The following SLC44A5 variants were observed in gnomAD, a reference collection of about 807,000 sequenced individuals.
SLC44A5 encodes solute carrier family 44 member 5.
A neutral mutation model predicts 101.8 loss-of-function variants in SLC44A5; 57 were observed. The observed-to-expected ratio is 0.56, with a 90% CI of 0.45 to 0.70. The LOEUF (loss-of-function observed/expected upper bound fraction) is 0.70. Among genes scored for constraint, SLC44A5 ranks in the 30% least tolerant of loss-of-function variants. The pLI is 0.00. For synonymous variants in SLC44A5, 281 were observed against 290.9 expected, an observed-to-expected ratio of 0.97 and a Z score of 0.35; for missense variants, 737 against 853.1, an observed-to-expected ratio of 0.86 and a Z score of 1.70.
the SLC44A5 span, among the ~76,000 whole-genome samples, chr1:75,717,384 C>G: frequency 8.6e-5 from 13 of 151,280 alleles, no homozygotes; most frequent in Non-Finnish European, 1.8e-4. Context: ...ATCAGAAGTT[C>G]TCACTCATAA....
chr1:75,420,222 AC>A (rs770089541), intron 2 of SLC44A5, among the ~76,000 whole-genome samples: 5 of 152,140 alleles, frequency 3.3e-5, no homozygotes, highest in Non-Finnish European at 7.4e-5. Flanking sequence ...AACTGTGAGA[AC>A]TAAATTTCTG....
Position 75,555,423 on chromosome 1 carries a change from T to C in SLC44A5, c.-69-13907A>G, listed in dbSNP as rs541147302. 2.0e-5 allele frequency among the ~76,000 whole-genome samples: 3 copies of C among 150,330 alleles called. No individual in the cohort carries two copies. The East Asian group carries it at 5.8e-4, about 29-fold the overall frequency. Reference sequence around the variant, plus strand: ...CTTTGAATATGTAGGTTTTACTGTATATAATTTATACCTAAACAAAATTGA... The same window carrying C: ...CTTTGAATATGTAGGTTTTACTGTACATAATTTATACCTAAACAAAATTGA... On this transcript the variant is annotated intron_variant, in intron 1 of 23. Transcript: ENST00000370859.
chr1:75,647,288 T>C, the SLC44A5 span, among the ~76,000 whole-genome samples: 1 of 152,212 alleles, frequency 6.6e-6, no homozygotes, highest in Admixed American at 6.5e-5. Context: ...AGTCAAGAAT[T>C]GAGGTTTGGG....
At chr1:75,645,403 C>T in the SLC44A5 span, among the ~76,000 whole-genome samples, 335 of 152,108 alleles carry the variant, frequency 2.2e-3, 2 homozygotes, top group African/African-American at 7.2e-3. Context: ...TTTCATGTGT[C>T]TTTTGGCTGC....
chr1:75,318,306 G>A (rs1467783563), intron 4 of SLC44A5, among the ~76,000 whole-genome samples: 2 of 151,750 alleles, frequency 1.3e-5, no homozygotes, highest in East Asian at 3.9e-4. Flanking sequence ...GAGTTGAAGC[G>A]TTCGAGGCTA....
intron 2 of SLC44A5, among the ~76,000 whole-genome samples, chr1:75,447,874 T>C (rs994563824): frequency 2.0e-5 from 3 of 152,122 alleles, no homozygotes; most frequent in African/African-American, 7.2e-5. Flanking sequence ...GTTTAGTAAA[T>C]ATAAGCAAAT....
At chr1:75,232,651 T>C (rs1020990101) in intron 12 of SLC44A5, among the ~76,000 whole-genome samples, 2 of 152,106 alleles carry the variant, frequency 1.3e-5, no homozygotes, top group African/African-American at 4.8e-5. Flanking sequence ...AGGAGGGTAA[T>C]AACAATAACC....
intron 3 of SLC44A5, among the ~76,000 whole-genome samples, chr1:75,363,363 A>G (rs908614527): frequency 6.6e-6 from 1 of 151,690 alleles, no homozygotes; most frequent in Non-Finnish European, 1.5e-5. Context: ...TGTTTTGTAG[A>G]TTCTTTGTTT....
chr1:75,648,499 G>A, the SLC44A5 span, among the ~76,000 whole-genome samples: 11 of 152,192 alleles, frequency 7.2e-5, no homozygotes, highest in African/African-American at 2.7e-4. Context: ...TCTGTATAAT[G>A]TTCCTTCCCT....
At chr1:75,458,020 G>A (rs748357006) in intron 2 of SLC44A5, among the ~76,000 whole-genome samples, 4 of 152,144 alleles carry the variant, frequency 2.6e-5, no homozygotes, top group Non-Finnish European at 1.5e-5. Flanking sequence ...TTACAATCTT[G>A]TAAATGAGCC....
At chr1:75,480,748 A>G (rs548279966) in intron 2 of SLC44A5, among the ~76,000 whole-genome samples, 1 of 152,130 alleles carries the variant, frequency 6.6e-6, no homozygotes, top group African/African-American at 2.4e-5. Flanking sequence ...TCAATGAAAT[A>G]AAAGAGGATA....
At chr1:75,341,585 A>G (rs185446116) in intron 3 of SLC44A5, among the ~76,000 whole-genome samples, 3 of 152,222 alleles carry the variant, frequency 2.0e-5, no homozygotes, top group Non-Finnish European at 4.4e-5. Flanking sequence ...GGAAGGAAAG[A>G]AAACATAAGC....
At chr1:75,644,152 C>A in the SLC44A5 span, among the ~76,000 whole-genome samples, 1 of 151,948 alleles carries the variant, frequency 6.6e-6, no homozygotes, top group Non-Finnish European at 1.5e-5. Flanking sequence ...ATGTTTTATC[C>A]ATTTGTCTAT....
At chr1:75,678,986 G>T in the SLC44A5 span, among the ~76,000 whole-genome samples, 2 of 152,190 alleles carry the variant, frequency 1.3e-5, no homozygotes, top group African/African-American at 4.8e-5. Flanking sequence ...AGGAGCCGAT[G>T]CTATCAACTG....
chr1:75,668,896 G>A, the SLC44A5 span, among the ~76,000 whole-genome samples: 12 of 151,316 alleles, frequency 7.9e-5, no homozygotes, highest in Admixed American at 3.3e-4. Context: ...TCGGGAGGCT[G>A]GGGCAGGAGA....
chr1:75,707,542 C>A, the SLC44A5 span, among the ~76,000 whole-genome samples: 3 of 152,178 alleles, frequency 2.0e-5, no homozygotes, highest in Admixed American at 6.5e-5. Context: ...CTATTCTCCC[C>A]CAGGGCTCTG....
At chr1:75,655,681 A>G in the SLC44A5 span, among the ~76,000 whole-genome samples, 3 of 152,286 alleles carry the variant, frequency 2.0e-5, no homozygotes, top group South Asian at 6.2e-4. Context: ...AGGGAAGAGT[A>G]CAAGAAATTT....
chr1:75,236,365 A>C (rs1179812686), intron 11 of SLC44A5, among the ~76,000 whole-genome samples: 1 of 152,012 alleles, frequency 6.6e-6, no homozygotes, highest in Non-Finnish European at 1.5e-5. Context: ...TGGGTCACAC[A>C]TTTACCCATT....
chr1:75,239,753 A>G (rs1016214511), intron 9 of SLC44A5, among the ~76,000 whole-genome samples: 2 of 152,096 alleles, frequency 1.3e-5, no homozygotes, highest in African/African-American at 4.8e-5. Context: ...TGACCTCTGA[A>G]TTGTCAAAAC....
Sources: gnomAD v4.1 joint callset for allele counts (sites outside exome capture counted in the v4.1 genomes callset) on GRCh38, gnomAD v4.1.1 for gene constraint, MANE v1.5 for transcripts, NCBI Gene and HGNC (gene_info 2026-07-23, HGNC 2026-07-21) for gene names.